SREK1IP1: variants seen among roughly 807,000 people sequenced by gnomAD.
SREK1IP1 encodes the protein SREK1 interacting protein 1.
Under a neutral mutation model 22.8 loss-of-function variants are expected in SREK1IP1, and 12 were observed. That is an observed-to-expected ratio of 0.53 (90% CI 0.34 to 0.85). SREK1IP1 has a LOEUF of 0.85. SREK1IP1 is among the 40% of genes least tolerant of loss of function. The probability of loss-of-function intolerance (pLI) is 0.02; values close to 1 mark genes in which losing one functional copy is unlikely to be tolerated. For missense variants in SREK1IP1, 147 were observed against 171.8 expected (o/e 0.86, Z 0.81); for synonymous variants, 53 against 52.7 (o/e 1.01, Z -0.02).
intron 2 of SREK1IP1, among the ~76,000 whole-genome samples, chr5:64,745,753 T>G (rs1742622811): frequency 6.6e-6 from 1 of 152,144 alleles, no homozygotes; most frequent in African/African-American, 2.4e-5. Flanking sequence ...TAGCTTTGCT[T>G]CAAGCAAAGC....
At chr5:64,744,568 G>C (rs563394160) in intron 2 of SREK1IP1, among the ~76,000 whole-genome samples, 1 of 152,032 alleles carries the variant, frequency 6.6e-6, no homozygotes, top group South Asian at 2.1e-4. Context: ...TTATTCGTTG[G>C]GTAATATGAA....
At chr5:64,730,435 A>G (rs1742356789) in intron 3 of SREK1IP1, among the ~76,000 whole-genome samples, 1 of 151,956 alleles carries the variant, frequency 6.6e-6, no homozygotes, top group South Asian at 2.1e-4. Context: ...GGGAAAAACG[A>G]AAAAAAATTG....
At position 64,728,716 on chromosome 5, in the gene SREK1IP1, C is replaced by CT. The variant is rs150542165; in HGVS notation, c.206-538dup. The stretch of plus-strand genomic sequence containing the variant: ...ATGTACTGTCACATATATTTTGCAG[C>CT]TTTTTTTTCACTTAACATAGCAGAT... On this transcript the variant is annotated intron_variant, in intron 3 of 4. Coordinates refer to ENST00000513458, the MANE Select transcript of SREK1IP1 (RefSeq NM_173829.4). Among the ~76,000 whole-genome samples the CT allele has an allele frequency of 2.6e-5, 4 of 151,894 alleles. No homozygotes were observed. In the East Asian group the frequency reaches 5.8e-4, roughly 22 times the overall value.
chr5:64,739,234 T>G (rs1742514554), intron 3 of SREK1IP1, among the ~76,000 whole-genome samples: 1 of 152,300 alleles, frequency 6.6e-6, no homozygotes, highest in African/African-American at 2.4e-5. Context: ...TTGTGATATA[T>G]GTCTGGGAAC....
chr5:64,765,406 A>C (rs1182334500), intron 1 of SREK1IP1, among the ~76,000 whole-genome samples: 1 of 152,222 alleles, frequency 6.6e-6, no homozygotes, highest in East Asian at 1.9e-4. Context: ...CCACCCCAAG[A>C]AATGCCAAAC....
At position 64,718,265 on chromosome 5, in the gene SREK1IP1, C is replaced by A; in HGVS notation, c.*6119G>T. 1 of 351,656 alleles carries A rather than the reference C, an allele frequency of 2.8e-6. No homozygotes were observed. Among genetic ancestry groups the A allele is most frequent in the Non-Finnish European group, 5.0e-6 (1 of 198,442 alleles). 21.8% of individuals were successfully genotyped at this position (351,656 alleles called of 1,614,324 possible). A position where few individuals can be genotyped will look rare whatever the true frequency, so the allele number is the denominator to read the frequency against. Reference sequence around the variant, plus strand: ...ATCACATGAGATTATGCTAATTATTCAGGAGAAATTAAATAATTTATCAAT... The same window carrying A: ...ATCACATGAGATTATGCTAATTATTAAGGAGAAATTAAATAATTTATCAAT... On this transcript the variant is annotated 3_prime_UTR_variant, in exon 5 of 5. Coordinates refer to ENST00000513458, the MANE Select transcript of SREK1IP1 (RefSeq NM_173829.4).
At position 64,728,120 on chromosome 5, in the gene SREK1IP1, T is replaced by G; in HGVS notation, c.265A>C (p.Lys89Gln). Reference protein sequence around the residue: ...EKSKEKIKLKKKRKRSYSSSS... With the variant: ...EKSKEKIKLKQKRKRSYSSSS... ...TTCAAAAAATACCTTTTCCTTTTTT[T>G]TTTCAATTTGATTTTTTCTTTGCTT... The change falls in exon 4 of 5, where the codon AAA becomes CAA. Residue 89 changes from lysine (K) to glutamine (Q), a missense_variant. Coordinates refer to ENST00000513458, the MANE Select transcript of SREK1IP1 (RefSeq NM_173829.4). 7.1e-7 allele frequency: 1 copy of G among 1,409,780 alleles called. No individual in the cohort carries two copies. The highest frequency in any genetic ancestry group is 9.3e-7 in the Non-Finnish European group (1 of 1,073,102). The allele number at this position is 1,409,780 out of a possible 1,614,324, so 87.3% of individuals were successfully genotyped here. A position where few individuals can be genotyped will look rare whatever the true frequency, so the allele number is the denominator to read the frequency against.
chr5:64,737,354 A>C (rs2112094062), intron 3 of SREK1IP1, among the ~76,000 whole-genome samples: 1 of 152,150 alleles, frequency 6.6e-6, no homozygotes, highest in South Asian at 2.1e-4. Flanking sequence ...TCAAAGAAGA[A>C]ATCAAAAGAG....
At chr5:64,764,640 A>G (rs1743006548) in intron 1 of SREK1IP1, among the ~76,000 whole-genome samples, 1 of 152,210 alleles carries the variant, frequency 6.6e-6, no homozygotes, top group Non-Finnish European at 1.5e-5. Flanking sequence ...CTTAGCCTTC[A>G]ACTCCATTAT....
chr5:64,749,508 C>T (rs148947512), intron 2 of SREK1IP1, among the ~76,000 whole-genome samples: 1 of 152,104 alleles, frequency 6.6e-6, no homozygotes, highest in African/African-American at 2.4e-5. Flanking sequence ...ACAATCTTAG[C>T]TCACTACAAC....
chr5:64,765,085 G>A (rs1032456974), intron 1 of SREK1IP1: 1 of 152,180 alleles, frequency 6.6e-6, no homozygotes, highest in East Asian at 1.9e-4. Context: ...GGAGAGTGGT[G>A]AATCACTGAC....
At chr5:64,752,556 A>G (rs1234034942) in intron 2 of SREK1IP1, among the ~76,000 whole-genome samples, 1 of 152,212 alleles carries the variant, frequency 6.6e-6, no homozygotes, top group Non-Finnish European at 1.5e-5. Flanking sequence ...TTTAAAAAAC[A>G]ATATATTCAC....
rs59456636 is a variant in SREK1IP1, at chr5:64,757,861, C to CTTTTT, written c.14-3504_14-3500dup. On this transcript the variant is annotated intron_variant, in intron 1 of 4. Coordinates refer to ENST00000513458, the MANE Select transcript of SREK1IP1 (RefSeq NM_173829.4). ...GCTACTGTTTCTATTAGGTTCCTAT[C>CTTTTT]TTTTTTTTTTTTTTTTTTTTTTTTT... 5.2e-3 allele frequency among the ~76,000 whole-genome samples: 381 copies of CTTTTT among 72,954 alleles called. 87 individuals are homozygous for CTTTTT. The highest frequency in any genetic ancestry group is 0.016 in the African/African-American group (311 of 18,888). 47.9% of individuals were successfully genotyped at this position (72,954 alleles called of 152,430 possible). A position where few individuals can be genotyped will look rare whatever the true frequency, so the allele number is the denominator to read the frequency against.
chr5:64,726,529 CTG>C (rs1394822373), intron 4 of SREK1IP1, among the ~76,000 whole-genome samples: 1 of 148,564 alleles, frequency 6.7e-6, no homozygotes, highest in Non-Finnish European at 1.5e-5. Flanking sequence ...TGAGCTGAGA[CTG>C]TGCCACTGGA....
intron 3 of SREK1IP1, among the ~76,000 whole-genome samples, chr5:64,736,971 C>A (rs1742474442): frequency 6.6e-6 from 1 of 150,528 alleles, no homozygotes; most frequent in Admixed American, 6.6e-5. Flanking sequence ...GCAAACATGC[C>A]CCCAAAAAGT....
chr5:64,728,886 ACTTGTGT>A (rs1223938838), intron 3 of SREK1IP1, among the ~76,000 whole-genome samples: 3 of 152,186 alleles, frequency 2.0e-5, no homozygotes, highest in Non-Finnish European at 4.4e-5. Flanking sequence ...GGGTGACAGA[ACTTGTGT>A]ATATTTAAAG....
chr5:64,731,703 T>C (rs1034131969), intron 3 of SREK1IP1, among the ~76,000 whole-genome samples: 2 of 151,934 alleles, frequency 1.3e-5, no homozygotes, highest in African/African-American at 2.4e-5. Flanking sequence ...ATGTGAGTTA[T>C]TAAAGACAAT....
In SREK1IP1 at chr5:64,719,029, G is replaced by C. The variant is rs146800195; in HGVS notation, c.*5355C>G. 1 of 152,036 alleles carries C rather than the reference G, an allele frequency of 6.6e-6. No individual in the cohort carries two copies. The highest frequency in any genetic ancestry group is 1.5e-5 in the Non-Finnish European group (1 of 68,008). 9.4% of individuals were successfully genotyped at this position (152,036 alleles called of 1,614,324 possible). A position where few individuals can be genotyped will look rare whatever the true frequency, so the allele number is the denominator to read the frequency against. ...CAAAGCTCAGGGTTACAAACTTTTC[G>C]TCATTAGCCTGTCAAAATTTCTACC... On this transcript the variant is annotated 3_prime_UTR_variant, in exon 5 of 5. Transcript: ENST00000513458.
intron 2 of SREK1IP1, 105 bp downstream of exon 2, chr5:64,754,210 C>T (rs1412258448): frequency 9.7e-7 from 1 of 1,029,350 alleles, no homozygotes; most frequent in Non-Finnish European, 1.5e-6. Flanking sequence ...GGCTAAAGGA[C>T]TATGCAACTG....
Sources: allele counts gnomAD v4.1 joint callset (sites outside exome capture counted in the v4.1 genomes callset), GRCh38; gene constraint gnomAD v4.1.1; transcripts MANE v1.5; gene names NCBI Gene and HGNC (gene_info 2026-07-23, HGNC 2026-07-21).